Variants in SART3 observed in about 807,000 individuals in gnomAD.
The protein encoded by SART3 is spliceosome associated factor 3, U4/U6 recycling protein, also known as HIV-1 Tat-interacting protein of 110kDa.
In SART3, 44 loss-of-function variants were observed where a neutral mutation model predicts 122.3. That is an observed-to-expected ratio of 0.36 (90% CI 0.28 to 0.46). The LOEUF (loss-of-function observed/expected upper bound fraction) is 0.46, where lower values mean the gene tolerates loss of function less well. Ranked by LOEUF, SART3 falls within the 20% of genes least tolerant of loss-of-function variation. The pLI, the probability that SART3 is intolerant of heterozygous loss-of-function variation, is 1.00. For missense variants in SART3, 1,101 were observed against 1,229.0 expected, an observed-to-expected ratio of 0.90 and a Z score of 1.56; for synonymous variants, 442 against 454.0, an observed-to-expected ratio of 0.97 and a Z score of 0.34.
In SART3 at chr12:108,528,034, G is replaced by A. The variant is rs941032360; in HGVS notation, c.1916-1481C>T. Among the ~76,000 whole-genome samples, 6 of 152,128 alleles carry A rather than the reference G, an allele frequency of 3.9e-5. No individual in the cohort carries two copies. In the East Asian group the frequency reaches 9.7e-4, roughly 25 times the overall value. ...CCCACCTCAGCCTCCCAGAGTGCTG[G>A]GATTACAGGCATGAGCTACCGCGCC... On this transcript the variant is annotated intron_variant, in intron 15 of 18. Coordinates refer to ENST00000546815, the MANE Select transcript of SART3 (RefSeq NM_014706.4).
At chr12:108,553,791 T>C (rs1251194452) in intron 1 of SART3, among the ~76,000 whole-genome samples, 1 of 151,938 alleles carries the variant, frequency 6.6e-6, no homozygotes, top group Non-Finnish European at 1.5e-5. Context: ...GATTACGGGG[T>C]TTTGTTCAAG....
In SART3 at chr12:108,526,519, G is replaced by A. The variant is rs767932863; in HGVS notation, c.1950C>T (p.Ser650=). ...QPSKRRRVEN[S]IPAAGETQNV... ...TTTGTGTTTCTCCAGCTGCAGGGATGCTGTTCTCGACCCTTCTGCGTTTGG... is the reference window on the plus strand; with the variant it reads ...TTTGTGTTTCTCCAGCTGCAGGGATACTGTTCTCGACCCTTCTGCGTTTGG... Residue 650 remains serine (S), a synonymous_variant, in exon 16 of 19, where the codon AGC becomes AGT. Transcript: ENST00000546815. 1.9e-6 allele frequency: 3 copies of A among 1,614,116 alleles called. No individual in the cohort carries two copies. In the Admixed American group the frequency reaches 5.0e-5, roughly 27 times the overall value.
chr12:108,524,941 A>C, intron 17 of SART3: 1 of 305,746 alleles, frequency 3.3e-6, no homozygotes, highest in Non-Finnish European at 6.3e-6. Context: ...AACCTGGATA[A>C]AGGGGAGGGA....
chr12:108,548,041 G>A (rs763036543), intron 2 of SART3, 50 bp from the exon 3 acceptor site: 25 of 1,489,638 alleles, frequency 1.7e-5, no homozygotes, highest in South Asian at 1.4e-4. Flanking sequence ...TAGGCTAAGC[G>A]CAGGGACTTT....
Position 108,561,171 on chromosome 12 carries a change from C to T in SART3, c.-17G>A, listed in dbSNP as rs1225406575. 1.2e-6 allele frequency: 2 copies of T among 1,603,380 alleles called. No individual in the cohort carries two copies. The highest frequency in any genetic ancestry group is 1.1e-5 in the South Asian group (1 of 90,898). On this transcript the variant is annotated 5_prime_UTR_variant, in exon 1 of 19. Coordinates refer to ENST00000546815, the MANE Select transcript of SART3 (RefSeq NM_014706.4). ...AGTCGCCATCTTGCGCTTCTAATGA[C>T]TCTCGGGTCTTCCCGCGGCCGCCGA...
At position 108,543,101 on chromosome 12, in the gene SART3, G is replaced by A. The variant is rs1376981251; in HGVS notation, c.833C>T (p.Pro278Leu). 1.2e-6 allele frequency: 2 copies of A among 1,614,020 alleles called. No individual in the cohort carries two copies. Among genetic ancestry groups the A allele is most frequent in the Non-Finnish European group, 1.7e-6 (2 of 1,180,016 alleles). ...EYEEWSEDPI[P>L]ESVIQNYNKA... is the part of the protein sequence containing the mutation. The stretch of plus-strand genomic sequence containing the variant: ...GTTATAGTTCTGAATTACTGACTCT[G>A]GTATTGGGTCTTCTGACCATTCTTC... The change falls in exon 6 of 19, where the codon CCA (proline) becomes CTA (leucine). Residue 278 changes from proline to leucine, a missense_variant. Pro to Leu is a moderately conservative substitution (Grantham distance 98). Transcript: ENST00000546815.
At chr12:108,527,773 G>A (rs1178416484) in intron 15 of SART3, among the ~76,000 whole-genome samples, 3 of 151,616 alleles carry the variant, frequency 2.0e-5, no homozygotes, top group Non-Finnish European at 4.4e-5. Context: ...TTTTTGTTTT[G>A]TTTTGTTTTT....
chr12:108,558,268 C>T (rs555138311), intron 1 of SART3, among the ~76,000 whole-genome samples: 73 of 152,322 alleles, frequency 4.8e-4, no homozygotes, highest in African/African-American at 1.6e-3. Context: ...CATTATGCTC[C>T]GCCATAAAAG....
chr12:108,530,637 A>C (rs1169796749), intron 14 of SART3, among the ~76,000 whole-genome samples: 2 of 152,186 alleles, frequency 1.3e-5, no homozygotes, highest in African/African-American at 4.8e-5. Context: ...TGGGTGGATC[A>C]CGAGGTCAGG....
Position 108,547,889 on chromosome 12 carries a change from A to T in SART3, c.542T>A (p.Ile181Asn). Reference protein sequence around the residue: ...DLFEKAVKDYICPNIWLEYGQ... With the variant: ...DLFEKAVKDYNCPNIWLEYGQ... ...AAAAAAAGTCCACGGGAACTTACAA[A>T]TGTAATCCTTCACGGCTTTCTCAAA... The change falls in exon 3 of 19, where the codon ATT becomes AAT. Residue 181 changes from isoleucine (I) to asparagine (N), a missense_variant and splice_region_variant. Physicochemically the swap from Ile to Asn is moderately radical, Grantham distance 149 (BLOSUM62 -3). Transcript: ENST00000546815. The T allele has an allele frequency of 6.2e-7, 1 of 1,612,278 alleles. No homozygotes were observed. Among genetic ancestry groups the T allele is most frequent in the Non-Finnish European group, 8.5e-7 (1 of 1,178,766 alleles).
chr12:108,539,274 A>AT (rs1428084821), intron 6 of SART3, among the ~76,000 whole-genome samples, 185 bp from the exon 7 acceptor site: 1 of 152,230 alleles, frequency 6.6e-6, no homozygotes, highest in Non-Finnish European at 1.5e-5. Context: ...CATCTGGTCC[A>AT]AAGTGCCAGT....
At chr12:108,546,136 C>T (rs1873406576) in intron 3 of SART3, among the ~76,000 whole-genome samples, 1 of 152,160 alleles carries the variant, frequency 6.6e-6, no homozygotes, top group East Asian at 1.9e-4. Context: ...AGTAGCAATG[C>T]TTCTCACAGG....
Position 108,561,146 on chromosome 12 carries a change from A to C in SART3, c.9T>G (p.Thr3=), listed in dbSNP as rs755236365. 1.9e-6 allele frequency: 3 copies of C among 1,613,062 alleles called. No individual in the cohort carries two copies. Among genetic ancestry groups the C allele is most frequent in the East Asian group, 2.2e-5 (1 of 44,826 alleles). Residue 3 remains threonine, a synonymous_variant, in exon 1 of 19, where the codon ACT becomes ACG. Transcript: ENST00000546815. The part of the protein sequence containing the change: MA[T]AAETSASEPE... Reference sequence around the variant, plus strand: ...GTTCTGAAGCCGAGGTTTCGGCCGCAGTCGCCATCTTGCGCTTCTAATGAC... The same window carrying C: ...GTTCTGAAGCCGAGGTTTCGGCCGCCGTCGCCATCTTGCGCTTCTAATGAC...
At position 108,526,290 on chromosome 12, in the gene SART3, C is replaced by T. The variant is rs1296165693; in HGVS notation, c.2179G>A (p.Glu727Lys). ...EPDTKLRPLF[E>K]ACGEVVQIRP... ...ATCTGGACCACCTCCCCACAGGCCT[C>T]GAAGAGTGGCCTGAGCTTCGTGTCC... Residue 727 changes from glutamate (E) to lysine (K), a missense_variant, in exon 16 of 19, where the codon GAG (glutamate) becomes AAG (lysine). This residue lies in a region of SART3 where 885 missense variants were observed against 1,080.1 expected (regional missense o/e 0.82). Coordinates refer to ENST00000546815, the MANE Select transcript of SART3 (RefSeq NM_014706.4). 1.9e-6 allele frequency: 3 copies of T among 1,614,080 alleles called. No individual in the cohort carries two copies. The highest frequency in any genetic ancestry group is 1.3e-5 in the African/African-American group (1 of 74,914).
In SART3 at chr12:108,524,001, T is replaced by G. The variant is rs1872252606; in HGVS notation, c.2714+315A>C. On this transcript the variant is annotated intron_variant, in intron 18 of 18. Coordinates refer to ENST00000546815, the MANE Select transcript of SART3 (RefSeq NM_014706.4). Reference sequence around the variant, plus strand: ...CTAGGGCCGTAGACTGGCACACACATGGGTATGAGATTTCTTTGTAAACAC... The same window carrying G: ...CTAGGGCCGTAGACTGGCACACACAGGGGTATGAGATTTCTTTGTAAACAC... 1.1e-5 allele frequency: 6 copies of G among 544,616 alleles called. No homozygotes were observed. In the Admixed American group the frequency reaches 1.6e-4, roughly 14 times the overall value. 33.7% of individuals were successfully genotyped at this position (544,616 alleles called of 1,614,324 possible).
chr12:108,548,990 C>T lies in SART3; in HGVS notation c.439+98G>A, dbSNP rs189081825. ...TCTTCTTTCCACTACACTGAACGTT[C>T]CAGGTTTTCTACAAGGAGCATGTCC... On this transcript the variant is annotated intron_variant, in intron 2 of 18. Transcript: ENST00000546815. 1,154 of 1,567,126 alleles carry T rather than the reference C, an allele frequency of 7.4e-4. 9 individuals are homozygous for T. Among genetic ancestry groups the T allele is most frequent in the Non-Finnish European group, 2.6e-4 (296 of 1,140,898 alleles).
chr12:108,535,945 G>A (rs1040099714), intron 11 of SART3, among the ~76,000 whole-genome samples: 1 of 152,114 alleles, frequency 6.6e-6, no homozygotes, highest in African/African-American at 2.4e-5. Context: ...CCTGACAAAT[G>A]TTAGTTTCTT....
Position 108,531,384 on chromosome 12 carries a change from A to G in SART3, c.1670-104T>C, listed in dbSNP as rs1040690150. ...TGTACCTCCAGAAGAGATCTCTCCC[A>G]TCAAACAATAAGAAAATGTAATCCC... is the stretch of plus-strand genomic sequence containing the variant. On this transcript the variant is annotated intron_variant, in intron 13 of 18. Transcript: ENST00000546815. The G allele has an allele frequency of 2.5e-5, 21 of 823,914 alleles. No individual in the cohort carries two copies. The African/African-American group carries it at 3.0e-4, about 12-fold the overall frequency. 51.0% of individuals were successfully genotyped at this position (823,914 alleles called of 1,614,324 possible).
chr12:108,535,719 G>A (rs573870493), intron 11 of SART3: 6 of 492,694 alleles, frequency 1.2e-5, no homozygotes, highest in African/African-American at 3.9e-5. Flanking sequence ...GTACTTACTC[G>A]ACAGTACTAG....
Sources: allele counts gnomAD v4.1 joint callset (sites outside exome capture counted in the v4.1 genomes callset), GRCh38; gene constraint gnomAD v4.1.1; regional missense constraint gnomAD v4.1.1; transcripts MANE v1.5; gene names NCBI Gene and HGNC (gene_info 2026-07-23, HGNC 2026-07-21).